Variants in EPHA3 observed in about 807,000 individuals in gnomAD.
EPHA3 encodes the protein ephrin type-A receptor 3.
A neutral mutation model predicts 107.1 loss-of-function variants in EPHA3; 42 were observed. The observed-to-expected ratio is 0.39, with a 90% confidence interval of 0.31 to 0.51. The LOEUF (loss-of-function observed/expected upper bound fraction) is 0.51. EPHA3 is among the 20% of genes least tolerant of loss of function. EPHA3 has a pLI of 0.78. For synonymous variants in EPHA3, 461 were observed against 424.8 expected (o/e 1.09, Z -1.05); for missense variants, 1,183 against 1,211.2 (o/e 0.98, Z 0.35).
chr3:89,297,032 A>T (rs1323588657), intron 3 of EPHA3, among the ~76,000 whole-genome samples: 1 of 152,198 alleles, frequency 6.6e-6, no homozygotes, highest in Non-Finnish European at 1.5e-5. Context: ...GAATGTTAGG[A>T]CACTGCTCAG....
intron 3 of EPHA3, among the ~76,000 whole-genome samples, chr3:89,219,397 A>T (rs1039240010): frequency 1.3e-5 from 2 of 152,018 alleles, no homozygotes; most frequent in East Asian, 3.9e-4. Flanking sequence ...TCTCCACCTC[A>T]GGTGATCTGC....
intron 5 of EPHA3, among the ~76,000 whole-genome samples, chr3:89,377,479 T>C (rs1040666923): frequency 6.6e-6 from 1 of 152,126 alleles, no homozygotes; most frequent in African/African-American, 2.4e-5. Context: ...AATACCACAC[T>C]TTAGCCATCC....
In EPHA3 at chr3:89,219,710, G is replaced by GTTT; in HGVS notation, c.814+9204_814+9206dup. ...AATGTTTTTTTTTTTTTTGTTTTTTGTTTTTTTTTTTTTTTTGAGACGGAG... is the reference window on the plus strand; with the variant it reads ...AATGTTTTTTTTTTTTTTGTTTTTTGTTTTTTTTTTTTTTTTTTTGAGACGGAG... On this transcript the variant is annotated intron_variant, in intron 3 of 16. Coordinates refer to ENST00000336596, the MANE Select transcript of EPHA3 (RefSeq NM_005233.6). Among the ~76,000 whole-genome samples the GTTT allele has an allele frequency of 7.7e-5, 2 of 25,926 alleles. 1 individual carries two copies. The highest frequency in any genetic ancestry group is 1.4e-4 in the Non-Finnish European group (2 of 14,088). 17.0% of individuals were successfully genotyped at this position (25,926 alleles called of 152,430 possible). A position where few individuals can be genotyped will look rare whatever the true frequency, so the allele number is the denominator to read the frequency against.
intron 2 of EPHA3, among the ~76,000 whole-genome samples, chr3:89,158,403 T>TGG (rs1704851906): frequency 6.6e-6 from 1 of 152,110 alleles, no homozygotes; most frequent in Non-Finnish European, 1.5e-5. Flanking sequence ...TATAAATTCT[T>TGG]GGGGCTTTCT....
At chr3:89,400,050 T>C in intron 7 of EPHA3, 1 of 1,032,796 alleles carries the variant, frequency 9.7e-7, no homozygotes. Flanking sequence ...GTAACTTTTC[T>C]TTTTTTCAAA....
chr3:89,210,911 G>A (rs1282648990), intron 3 of EPHA3, among the ~76,000 whole-genome samples: 1 of 152,050 alleles, frequency 6.6e-6, no homozygotes, highest in African/African-American at 2.4e-5. Context: ...AGATACTGTG[G>A]TGGTTATTTA....
At chr3:89,439,754 C>T (rs1470540379) in intron 13 of EPHA3, among the ~76,000 whole-genome samples, 31 of 145,752 alleles carry the variant, frequency 2.1e-4, no homozygotes, top group African/African-American at 4.5e-4. Context: ...CACACACACA[C>T]ATATATATAT....
chr3:89,130,558 A>G (rs1704184090), intron 2 of EPHA3, among the ~76,000 whole-genome samples: 1 of 151,966 alleles, frequency 6.6e-6, no homozygotes, highest in African/African-American at 2.4e-5. Flanking sequence ...TTTTCCTCCA[A>G]AGACGTATTC....
Position 89,107,629 on chromosome 3 carries a change from A to T in EPHA3, c.-120A>T. On this transcript the variant is annotated 5_prime_UTR_variant, in exon 1 of 17. Transcript: ENST00000336596. ...GACTCCTCCTTATCTCCAGTGTCAA[A>T]CTTGACATCAGCCTGCGAGCGGAGC... The T allele has an allele frequency of 1.1e-6, 1 of 951,462 alleles. No individual in the cohort carries two copies. Among genetic ancestry groups the T allele is most frequent in the Non-Finnish European group, 1.6e-6 (1 of 609,538 alleles). 58.9% of individuals were successfully genotyped at this position (951,462 alleles called of 1,614,324 possible). A position where few individuals can be genotyped will look rare whatever the true frequency, so the allele number is the denominator to read the frequency against.
chr3:89,176,643 A>G (rs1705326042), intron 2 of EPHA3, among the ~76,000 whole-genome samples: 2 of 152,152 alleles, frequency 1.3e-5, no homozygotes, highest in African/African-American at 2.4e-5. Flanking sequence ...GTGTGCAACC[A>G]TATTTTGTAA....
At chr3:89,121,189 T>A (rs2106959918) in intron 1 of EPHA3, among the ~76,000 whole-genome samples, 1 of 152,078 alleles carries the variant, frequency 6.6e-6, no homozygotes, top group East Asian at 1.9e-4. Flanking sequence ...TGGGAGGAGA[T>A]CGTGCCACTG....
At chr3:89,472,681 T>C in intron 16 of EPHA3, 62 bp downstream of exon 16, 1 of 1,531,460 alleles carries the variant, frequency 6.5e-7, no homozygotes, top group Non-Finnish European at 8.9e-7. Context: ...TGGCTTGACA[T>C]GAAAGATTTG....
At position 89,390,600 on chromosome 3, in the gene EPHA3, C is replaced by CAA. The variant is rs34753229; in HGVS notation, c.1307-5219_1307-5218dup. Among the ~76,000 whole-genome samples the CAA allele has an allele frequency of 2.1e-3, 240 of 114,082 alleles. 2 individuals carry two copies. Among genetic ancestry groups the CAA allele is most frequent in the South Asian group, 0.013 (42 of 3,274 alleles). The allele number at this position is 114,082 out of a possible 152,430, so 74.8% of individuals were successfully genotyped here. ...GGGCAACAGAGCGAGACTCCGTTTC[C>CAA]AAAAAAAAAAAAAAAAAAAGTGGTA... On this transcript the variant is annotated intron_variant, in intron 5 of 16. Transcript: ENST00000336596.
chr3:89,214,210 T>G (rs559106736), intron 3 of EPHA3, among the ~76,000 whole-genome samples: 6 of 152,084 alleles, frequency 3.9e-5, no homozygotes, highest in Admixed American at 3.9e-4. Flanking sequence ...TTAGGAGTCC[T>G]AGGAATGCAG....
rs565278069 is a variant in EPHA3 at position 89,452,256 on chromosome 3, T to C, written c.2690+1886T>C. 2.9e-3 allele frequency among the ~76,000 whole-genome samples: 443 copies of C among 152,248 alleles called. 1 individual carries two copies. The highest frequency in any genetic ancestry group is 0.01 in the African/African-American group (416 of 41,560). ...ATTGCTGGATCATATGGTGATTCTA[T>C]TTTTAGTTTTTTGTGGAACCTCCAT... On this transcript the variant is annotated intron_variant, in intron 15 of 16. Coordinates refer to ENST00000336596, the MANE Select transcript of EPHA3 (RefSeq NM_005233.6).
At chr3:89,174,834 T>A (rs1276370717) in intron 2 of EPHA3, among the ~76,000 whole-genome samples, 2 of 151,880 alleles carry the variant, frequency 1.3e-5, no homozygotes, top group African/African-American at 4.8e-5. Context: ...TATAAATAAT[T>A]ATAAGATGTT....
chr3:89,336,848 GC>G (rs1707403522), intron 3 of EPHA3, among the ~76,000 whole-genome samples: 2 of 151,924 alleles, frequency 1.3e-5, no homozygotes, highest in Admixed American at 1.3e-4. Flanking sequence ...AACTCTTAAG[GC>G]CAGGAATTCA....
chr3:89,304,912 A>G (rs1706576931), intron 3 of EPHA3, among the ~76,000 whole-genome samples: 2 of 152,272 alleles, frequency 1.3e-5, no homozygotes, highest in South Asian at 4.1e-4. Flanking sequence ...ATATTTAAGG[A>G]ATTTATAAAT....
chr3:89,407,496 T>C lies in EPHA3; in HGVS notation c.1697+125T>C, dbSNP rs1010308654. ...TAACAAATAAGAATGTCTCCACTTGTAGTTTAGGTCCTCTCTTTCTCCTCC... is the reference window on the plus strand; with the variant it reads ...TAACAAATAAGAATGTCTCCACTTGCAGTTTAGGTCCTCTCTTTCTCCTCC... On this transcript the variant is annotated intron_variant, in intron 8 of 16. Transcript: ENST00000336596. 5.9e-5 allele frequency: 43 copies of C among 729,278 alleles called. 1 individual carries two copies. Among genetic ancestry groups the C allele is most frequent in the Admixed American group, 5.1e-4 (20 of 38,918 alleles). The allele number at this position is 729,278 out of a possible 1,614,324, so 45.2% of individuals were successfully genotyped here.
Sources: gnomAD v4.1 joint callset for allele counts (sites outside exome capture counted in the v4.1 genomes callset) on GRCh38, gnomAD v4.1.1 for gene constraint, MANE v1.5 for transcripts, NCBI Gene and HGNC (gene_info 2026-07-23, HGNC 2026-07-21) for gene names.